Variants in RPN2 observed in about 807,000 individuals in gnomAD.
The protein encoded by RPN2 is dolichyl-diphosphooligosaccharide--protein glycosyltransferase subunit 2.
RPN2 carries 29 observed loss-of-function variants against 71.4 expected under a neutral mutation model. The observed-to-expected ratio is 0.41, with a 90% CI of 0.30 to 0.55. The LOEUF (loss-of-function observed/expected upper bound fraction) is 0.55. RPN2 is among the 20% of genes least tolerant of loss of function. RPN2 has a pLI of 0.35. For synonymous variants in RPN2, 308 were observed against 305.0 expected, an observed-to-expected ratio of 1.01 and a Z score of -0.10; for missense variants, 726 against 774.1, an observed-to-expected ratio of 0.94 and a Z score of 0.74.
chr20:37,211,624 A>C (rs1403653803), intron 8 of RPN2, among the ~76,000 whole-genome samples: 2 of 145,240 alleles, frequency 1.4e-5, no homozygotes, highest in Non-Finnish European at 1.5e-5. Context: ...CCTGGGCGAC[A>C]GAGCGAGGCT....
intron 9 of RPN2, among the ~76,000 whole-genome samples, chr20:37,218,545 T>TTA (rs1555889934): frequency 6.1e-5 from 9 of 147,556 alleles, no homozygotes; most frequent in Non-Finnish European, 1.3e-4. Context: ...CCGTCTCTGC[T>TTA]AAAAAAAAAA....
At chr20:37,228,293 G>C (rs984576692) in intron 11 of RPN2, among the ~76,000 whole-genome samples, 2 of 152,194 alleles carry the variant, frequency 1.3e-5, no homozygotes, top group Non-Finnish European at 2.9e-5. Flanking sequence ...AAACTGGGCA[G>C]TCAGCCTCCA....
chr20:37,239,824 A>G (rs972062092), intron 16 of RPN2, among the ~76,000 whole-genome samples: 16 of 152,026 alleles, frequency 1.1e-4, no homozygotes, highest in Non-Finnish European at 1.9e-4. Context: ...TTCATCCTAC[A>G]TTATAGTCAC....
At position 37,187,526 on chromosome 20, in the gene RPN2, A is replaced by G. The variant is rs898402559; in HGVS notation, c.207+3153A>G. On this transcript the variant is annotated intron_variant, in intron 2 of 16. Transcript: ENST00000237530. ...CAAAAAAAAAAAAAAAAAAAGATCA[A>G]TCATTTATGTTTAATTATATTGTTG... Among the ~76,000 whole-genome samples the G allele has an allele frequency of 2.3e-4, 35 of 151,282 alleles. 12 individuals are homozygous for G. Among genetic ancestry groups the G allele is most frequent in the Non-Finnish European group, 4.7e-4 (32 of 67,874 alleles).
intron 1 of RPN2, among the ~76,000 whole-genome samples, chr20:37,182,450 G>A (rs1477754764): frequency 6.6e-6 from 1 of 152,112 alleles, no homozygotes; most frequent in Non-Finnish European, 1.5e-5. Flanking sequence ...GAGTGCCATG[G>A]TGTGATCTCA....
intron 15 of RPN2, 65 bp downstream of exon 15, chr20:37,234,160 C>A: frequency 1.3e-6 from 2 of 1,514,348 alleles, no homozygotes; most frequent in Non-Finnish European, 1.8e-6. Context: ...CACGCAAAAG[C>A]CCTGTTAAGT....
At chr20:37,184,795 A>G (rs1284428193) in intron 2 of RPN2, among the ~76,000 whole-genome samples, 3 of 152,228 alleles carry the variant, frequency 2.0e-5, no homozygotes, top group African/African-American at 7.2e-5. Flanking sequence ...CAGTCTCAAA[A>G]AAAGAAGTTT....
chr20:37,238,887 A>G (rs1569004540), intron 16 of RPN2: 1 of 515,192 alleles, frequency 1.9e-6, no homozygotes, highest in Non-Finnish European at 3.9e-6. Context: ...ACCGATCTCT[A>G]GTTGGGCTAA....
rs1240637203 is a variant in RPN2, at chr20:37,232,362, C to T, written c.1648C>T (p.Leu550Phe). ...GTCCAATACATTCACTGCCCTGATC[C>T]TCTCGCCGTTGCTTCTGCTCTTCGC... ...VVSNTFTALI[L>F]SPLLLLFALW... The change falls in exon 14 of 17, where the codon CTC becomes TTC. Residue 550 changes from leucine (L) to phenylalanine (F), a missense_variant. By Grantham distance (22) the Leu-to-Phe change is conservative (BLOSUM62 0). Coordinates refer to ENST00000237530, the MANE Select transcript of RPN2 (RefSeq NM_002951.5). 1 of 1,614,204 alleles carries T rather than the reference C, an allele frequency of 6.2e-7. No homozygotes were observed. The highest frequency in any genetic ancestry group is 2.2e-5 in the East Asian group (1 of 44,884).
intron 9 of RPN2, among the ~76,000 whole-genome samples, 164 bp from the exon 10 acceptor site, chr20:37,223,714 A>G (rs1026884543): frequency 2.6e-5 from 4 of 151,848 alleles, no homozygotes; most frequent in Non-Finnish European, 5.9e-5. Context: ...GAGGTTGGAA[A>G]TATTACTGGG....
At chr20:37,233,851 C>T (rs2068312989) in intron 14 of RPN2, among the ~76,000 whole-genome samples, 169 bp from the exon 15 acceptor site, 1 of 152,140 alleles carries the variant, frequency 6.6e-6, no homozygotes, top group Non-Finnish European at 1.5e-5. Context: ...AACAAGTTTC[C>T]CCGAGGGCTT....
intron 6 of RPN2, among the ~76,000 whole-genome samples, chr20:37,206,735 G>A (rs1341744612): frequency 2.6e-5 from 4 of 151,918 alleles, no homozygotes; most frequent in Admixed American, 2.0e-4. Context: ...TTCAGACAGA[G>A]TCTTTCTCTG....
At chr20:37,180,455 T>A (rs1474474459) in intron 1 of RPN2, among the ~76,000 whole-genome samples, 1 of 152,208 alleles carries the variant, frequency 6.6e-6, no homozygotes, top group East Asian at 1.9e-4. Context: ...CCTAACATAT[T>A]AAGTGCTCAA....
intron 11 of RPN2, among the ~76,000 whole-genome samples, chr20:37,227,645 T>G (rs780069856): frequency 2.0e-5 from 3 of 152,238 alleles, no homozygotes; most frequent in African/African-American, 7.2e-5. Flanking sequence ...CCAACTCATT[T>G]AATGCTTGTG....
chr20:37,225,597 G>A, intron 10 of RPN2, 91 bp from the exon 11 acceptor site: 1 of 846,654 alleles, frequency 1.2e-6, no homozygotes, highest in Admixed American at 1.9e-5. Flanking sequence ...GGAGAGGGTG[G>A]TTGAGGCAAT....
intron 9 of RPN2, among the ~76,000 whole-genome samples, chr20:37,217,665 A>G (rs1032153610): frequency 6.6e-6 from 1 of 151,902 alleles, no homozygotes; most frequent in African/African-American, 2.4e-5. Context: ...TGGTCTAAAG[A>G]TGTTTTTCCA....
chr20:37,228,222 T>G (rs1324558475), intron 11 of RPN2, among the ~76,000 whole-genome samples: 1 of 152,188 alleles, frequency 6.6e-6, no homozygotes, highest in Non-Finnish European at 1.5e-5. Flanking sequence ...GGCAGCAAAG[T>G]GACCAAAAGG....
chr20:37,183,943 A>C (rs1401044058), intron 1 of RPN2, among the ~76,000 whole-genome samples: 1 of 152,152 alleles, frequency 6.6e-6, no homozygotes, highest in Admixed American at 6.5e-5. Flanking sequence ...TTCAGATGGG[A>C]ATAGTAGGAT....
At chr20:37,222,673 A>G (rs1213693774) in intron 9 of RPN2, among the ~76,000 whole-genome samples, 1 of 152,194 alleles carries the variant, frequency 6.6e-6, no homozygotes. Context: ...TGGATTTGGC[A>G]AGGATTTCCT....
Sources: gnomAD v4.1 joint callset for allele counts (sites outside exome capture counted in the v4.1 genomes callset) on GRCh38, gnomAD v4.1.1 for gene constraint, MANE v1.5 for transcripts, NCBI Gene and HGNC (gene_info 2026-07-23, HGNC 2026-07-21) for gene names.